Variants in GALNT13 observed in about 807,000 individuals in gnomAD.
GALNT13 encodes the protein polypeptide N-acetylgalactosaminyltransferase 13, also known as UDP-GalNAc:polypeptide N-acetylgalactosaminyltransferase 13.
In GALNT13, 28 loss-of-function variants were observed where a neutral mutation model predicts 64.2. The ratio of observed to expected loss-of-function variants is 0.44; its 90% CI spans 0.32 to 0.60. GALNT13 has a LOEUF of 0.60. GALNT13 is among the 20% of genes least tolerant of loss of function. The pLI, the probability that GALNT13 is intolerant of heterozygous loss-of-function variation, is 0.05. For synonymous variants in GALNT13, 214 were observed against 224.6 expected, an observed-to-expected ratio of 0.95 and a Z score of 0.42; for missense variants, 577 against 669.8, an observed-to-expected ratio of 0.86 and a Z score of 1.53.
chr2:153,348,379 C>A, the GALNT13 span, among the ~76,000 whole-genome samples: 2 of 152,264 alleles, frequency 1.3e-5, no homozygotes, highest in South Asian at 2.1e-4. Flanking sequence ...TGTAAACCAA[C>A]CTAGGCACCT....
chr2:153,658,854 G>T, the GALNT13 span, among the ~76,000 whole-genome samples: 1 of 150,588 alleles, frequency 6.6e-6, no homozygotes, highest in Admixed American at 6.6e-5. Context: ...TTCAATATTT[G>T]CTGAAACAAG....
chr2:154,232,189 T>C (rs1455300239), intron 4 of GALNT13, among the ~76,000 whole-genome samples: 3 of 152,158 alleles, frequency 2.0e-5, no homozygotes, highest in Non-Finnish European at 4.4e-5. Flanking sequence ...TGCCTCACTG[T>C]GAAGCTTTCA....
the GALNT13 span, among the ~76,000 whole-genome samples, chr2:153,122,766 G>T: frequency 2.6e-5 from 4 of 152,040 alleles, no homozygotes; most frequent in African/African-American, 4.8e-5. Context: ...GTTCTTATGG[G>T]GCTGGAATCT....
chr2:153,435,138 G>A, the GALNT13 span, among the ~76,000 whole-genome samples: 558 of 152,264 alleles, frequency 3.7e-3, 2 homozygotes, highest in Non-Finnish European at 5.7e-3. Context: ...TCTTATAGTT[G>A]TAGATATGCG....
At chr2:153,524,094 G>A in the GALNT13 span, among the ~76,000 whole-genome samples, 4 of 151,984 alleles carry the variant, frequency 2.6e-5, no homozygotes, top group Non-Finnish European at 4.4e-5. Context: ...ACCTGTTGAC[G>A]TGATGAATTA....
chr2:153,352,223 C>G, the GALNT13 span, among the ~76,000 whole-genome samples: 1 of 152,098 alleles, frequency 6.6e-6, no homozygotes, highest in African/African-American at 2.4e-5. Context: ...TAAGGCATCT[C>G]TTGATATGCT....
At chr2:153,545,106 AG>A in the GALNT13 span, among the ~76,000 whole-genome samples, 9 of 152,062 alleles carry the variant, frequency 5.9e-5, no homozygotes, top group Admixed American at 2.0e-4. Context: ...GCAAAGACTC[AG>A]AAAAAAAAAA....
chr2:153,895,899 C>T lies in GALNT13; in HGVS notation c.-176-5037C>T, dbSNP rs533820658. On this transcript the variant is annotated intron_variant, in intron 1 of 12. Transcript: ENST00000392825. ...ATAAGTAAATGATGGCATGCCATAG[C>T]AACAGGATATTAATCAGTGATCTTG... 5.3e-5 allele frequency among the ~76,000 whole-genome samples: 8 copies of T among 150,446 alleles called. No individual in the cohort carries two copies. In the East Asian group the frequency reaches 1.6e-3, roughly 30 times the overall value.
intron 3 of GALNT13, among the ~76,000 whole-genome samples, chr2:154,081,796 T>A (rs1347968458): frequency 1.3e-5 from 2 of 151,782 alleles, no homozygotes; most frequent in African/African-American, 4.8e-5. Context: ...ATATGTATAA[T>A]GTTTAACAGC....
At chr2:153,836,660 C>G in the GALNT13 span, among the ~76,000 whole-genome samples, 1 of 138,372 alleles carries the variant, frequency 7.2e-6, no homozygotes, top group South Asian at 2.5e-4. Context: ...CCTCCCCCTC[C>G]CCCCTCCCCA....
chr2:153,487,837 C>T, the GALNT13 span, among the ~76,000 whole-genome samples: 2 of 152,108 alleles, frequency 1.3e-5, no homozygotes, highest in Non-Finnish European at 2.9e-5. Context: ...TTTGAAGGGT[C>T]CAAATCATGA....
In GALNT13 at chr2:153,899,929, ATATATAT is replaced by A. The variant is rs1422413730; in HGVS notation, c.-176-1005_-176-999del. ...GGGAGATATATACATATATATATAT[ATATATAT>A]TTTTTTTTTTTTTTTTTGAGATGGA... On this transcript the variant is annotated intron_variant, in intron 1 of 12. Coordinates refer to ENST00000392825, the MANE Select transcript of GALNT13 (RefSeq NM_052917.4). Among the ~76,000 whole-genome samples, 81 of 88,374 alleles carry A rather than the reference ATATATAT, an allele frequency of 9.2e-4. No homozygotes were observed. The Middle Eastern group carries it at 0.021, about 23-fold the overall frequency. The allele number at this position is 88,374 out of a possible 152,430, so 58.0% of individuals were successfully genotyped here. A position where few individuals can be genotyped will look rare whatever the true frequency, so the allele number is the denominator to read the frequency against.
the GALNT13 span, among the ~76,000 whole-genome samples, chr2:153,366,565 G>A: frequency 6.6e-6 from 1 of 151,926 alleles, no homozygotes; most frequent in Non-Finnish European, 1.5e-5. Flanking sequence ...CATTTGTAAT[G>A]GGTATCCCAG....
At chr2:153,698,120 G>A in the GALNT13 span, among the ~76,000 whole-genome samples, 11 of 152,192 alleles carry the variant, frequency 7.2e-5, no homozygotes, top group Non-Finnish European at 1.2e-4. Context: ...GGAAAAACCC[G>A]TTCCAGCCAC....
chr2:153,214,007 T>G, the GALNT13 span, among the ~76,000 whole-genome samples: 1 of 152,216 alleles, frequency 6.6e-6, no homozygotes. Flanking sequence ...ACAAAAGGAA[T>G]GTACCTGTTT....
At chr2:154,220,581 T>A (rs1010909335) in intron 4 of GALNT13, among the ~76,000 whole-genome samples, 2 of 152,092 alleles carry the variant, frequency 1.3e-5, no homozygotes, top group Non-Finnish European at 2.9e-5. Context: ...AGAAAAGTTA[T>A]TTTAACTTAC....
chr2:154,074,274 T>C (rs1449010653), intron 3 of GALNT13, among the ~76,000 whole-genome samples: 2 of 151,844 alleles, frequency 1.3e-5, no homozygotes, highest in Non-Finnish European at 1.5e-5. Context: ...AAAAGTGAAA[T>C]GGTAGTTAAA....
At chr2:153,076,677 T>G in the GALNT13 span, among the ~76,000 whole-genome samples, 2 of 63,866 alleles carry the variant, frequency 3.1e-5, no homozygotes, top group Admixed American at 4.6e-4. Context: ...ATGGATTGTA[T>G]TTAAATGTTC....
At chr2:154,077,886 G>T (rs960146786) in intron 3 of GALNT13, among the ~76,000 whole-genome samples, 1 of 151,372 alleles carries the variant, frequency 6.6e-6, no homozygotes, top group Non-Finnish European at 1.5e-5. Flanking sequence ...TATATCTTAG[G>T]AAATTTTAAT....
Sources: allele counts gnomAD v4.1 joint callset (sites outside exome capture counted in the v4.1 genomes callset), GRCh38; gene constraint gnomAD v4.1.1; transcripts MANE v1.5; gene names NCBI Gene and HGNC (gene_info 2026-07-23, HGNC 2026-07-21).